SPATA31F3: variants seen among roughly 807,000 people sequenced by gnomAD.
SPATA31F3 encodes the protein SPATA31 subfamily F member 3.
At chr9:34,894,849 G>T in the SPATA31F3 span, among the ~76,000 whole-genome samples, 6 of 152,266 alleles carry the variant, frequency 3.9e-5, no homozygotes, top group South Asian at 1.2e-3. Flanking sequence ...ATAAGATAGA[G>T]AATTTTTTAA....
the SPATA31F3 span, among the ~76,000 whole-genome samples, chr9:34,893,573 C>G: frequency 6.6e-6 from 1 of 151,568 alleles, no homozygotes; most frequent in Non-Finnish European, 1.5e-5. Flanking sequence ...TGTACTCCAG[C>G]CTGGGCAACA....
At chr9:34,889,094 A>G in the SPATA31F3 span, 1 of 398,626 alleles carries the variant, frequency 2.5e-6, no homozygotes, top group Non-Finnish European at 4.4e-6. Flanking sequence ...GTATATTTGG[A>G]GAATGCCCTG....
At chr9:34,892,888 C>A in the SPATA31F3 span, 1 of 699,992 alleles carries the variant, frequency 1.4e-6, no homozygotes, top group South Asian at 1.5e-5. Context: ...TTAATTGTGA[C>A]AGTGTTGGAG....
At chr9:34,889,294 G>C in the SPATA31F3 span, 1 of 398,730 alleles carries the variant, frequency 2.5e-6, no homozygotes, top group Non-Finnish European at 4.4e-6. Context: ...ACAGAGTTTG[G>C]AGCATTTGTA....
At chr9:34,889,429 G>C in the SPATA31F3 span, 1 of 398,534 alleles carries the variant, frequency 2.5e-6, no homozygotes, top group Non-Finnish European at 4.4e-6. Context: ...TGAGCCTCAG[G>C]GTCCTCTGTT....
At chr9:34,890,439 G>A in the SPATA31F3 span, among the ~76,000 whole-genome samples, 1 of 152,208 alleles carries the variant, frequency 6.6e-6, no homozygotes, top group Non-Finnish European at 1.5e-5. Context: ...TGAACACAAA[G>A]TACCTGGGCC....
chr9:34,891,915 A>T, the SPATA31F3 span, among the ~76,000 whole-genome samples: 3 of 152,146 alleles, frequency 2.0e-5, no homozygotes, highest in African/African-American at 2.4e-5. Flanking sequence ...TAGGACATTG[A>T]TCTGGATTTG....
At chr9:34,892,206 C>T in the SPATA31F3 span, among the ~76,000 whole-genome samples, 11 of 152,134 alleles carry the variant, frequency 7.2e-5, no homozygotes, top group Non-Finnish European at 1.2e-4. Context: ...GAGGGTAGAG[C>T]TAGAACCATG....
the SPATA31F3 span, chr9:34,889,395 C>T: frequency 2.5e-6 from 1 of 398,516 alleles, no homozygotes; most frequent in African/African-American, 2.1e-5. Flanking sequence ...GAAGATCAGG[C>T]CTTCCTCCTC....
the SPATA31F3 span, chr9:34,895,054 C>G: frequency 2.5e-6 from 1 of 398,526 alleles, no homozygotes; most frequent in East Asian, 3.6e-5. Context: ...GATGTTCTAT[C>G]TCCAGACTTT....
the SPATA31F3 span, among the ~76,000 whole-genome samples, chr9:34,892,033 CCT>C: frequency 6.6e-6 from 1 of 152,128 alleles, no homozygotes. Flanking sequence ...CAAAGCCTCC[CCT>C]GTTTTGGAGA....
At chr9:34,892,936 G>T in the SPATA31F3 span, 3 of 685,236 alleles carry the variant, frequency 4.4e-6, no homozygotes, top group Admixed American at 4.3e-5. Flanking sequence ...ATTTCGGGGA[G>T]CCCAGATCCT....
the SPATA31F3 span, among the ~76,000 whole-genome samples, chr9:34,891,929 A>T: frequency 6.6e-6 from 1 of 152,170 alleles, no homozygotes; most frequent in East Asian, 1.9e-4. Flanking sequence ...GGATTTGTCA[A>T]TGGTCAGATG....
At chr9:34,889,390 T>C in the SPATA31F3 span, 2 of 398,504 alleles carry the variant, frequency 5.0e-6, no homozygotes, top group Non-Finnish European at 8.8e-6. Flanking sequence ...TCACAGAAGA[T>C]CAGGCCTTCC....
At chr9:34,895,522 G>A in the SPATA31F3 span, 1 of 398,326 alleles carries the variant, frequency 2.5e-6, no homozygotes, top group Non-Finnish European at 4.4e-6. Flanking sequence ...AGAAAGCTCG[G>A]GGATAAAATC....
chr9:34,892,731 C>G, the SPATA31F3 span: 1 of 462,700 alleles, frequency 2.2e-6, no homozygotes, highest in South Asian at 5.3e-5. Flanking sequence ...CCAGGCTTCT[C>G]AAAGTTTGAA....
chr9:34,893,633 A>G, the SPATA31F3 span, among the ~76,000 whole-genome samples: 1 of 151,790 alleles, frequency 6.6e-6, no homozygotes, highest in Non-Finnish European at 1.5e-5. Context: ...AAAGAAAAAG[A>G]AAAAGCCATT....
chr9:34,891,080 G>A, the SPATA31F3 span, among the ~76,000 whole-genome samples: 5 of 152,158 alleles, frequency 3.3e-5, no homozygotes, highest in African/African-American at 1.2e-4. Context: ...CCTGACAGAA[G>A]GGCCAAAACT....
At chr9:34,890,496 A>C in the SPATA31F3 span, among the ~76,000 whole-genome samples, 1 of 152,270 alleles carries the variant, frequency 6.6e-6, no homozygotes, top group Non-Finnish European at 1.5e-5. Context: ...CCCAGTGGGC[A>C]TGGGGTACTG....
Sources: allele counts gnomAD v4.1 joint callset (sites outside exome capture counted in the v4.1 genomes callset), GRCh38; gene constraint gnomAD v4.1.1; transcripts MANE v1.5; gene names NCBI Gene and HGNC (gene_info 2026-07-23, HGNC 2026-07-21).